POLR2B: variants seen among roughly 807,000 people sequenced by gnomAD.
The protein encoded by POLR2B is DNA-directed RNA polymerase II subunit RPB2.
POLR2B carries 57 observed loss-of-function variants against 144.6 expected under a neutral mutation model. That is an observed-to-expected ratio of 0.39 (90% CI 0.32 to 0.49). The LOEUF (loss-of-function observed/expected upper bound fraction) is 0.49, where lower values mean the gene tolerates loss of function less well. POLR2B is among the 20% of genes least tolerant of loss of function. The pLI is 0.83. For synonymous variants in POLR2B, 442 were observed against 469.8 expected, an observed-to-expected ratio of 0.94 and a Z score of 0.77; for missense variants, 595 against 1,467.4, an observed-to-expected ratio of 0.41 and a Z score of 9.71.
In POLR2B at chr4:57,020,912, T is replaced by C; in HGVS notation, c.2337T>C (p.Ile779=). ...AATTCACTGCAGGCATCAACTCAAT[T>C]GTGGCCATTGCATCATACACTGGAT... ...FRELPAGINS[I]VAIASYTGYN... The change falls in exon 17 of 25, where the codon ATT becomes ATC. Residue 779 remains isoleucine, a synonymous_variant. Transcript: ENST00000314595. The C allele has an allele frequency of 6.3e-7, 1 of 1,585,312 alleles. No individual in the cohort carries two copies. The highest frequency in any genetic ancestry group is 8.7e-7 in the Non-Finnish European group (1 of 1,153,716).
chr4:57,005,742 C>T, intron 9 of POLR2B, 23 bp downstream of exon 9: 1 of 1,603,632 alleles, frequency 6.2e-7, no homozygotes, highest in Non-Finnish European at 8.5e-7. Flanking sequence ...AGAATGAAGT[C>T]ATTAAAGCAG....
At position 57,017,819 on chromosome 4, in the gene POLR2B, CAT is replaced by C; in HGVS notation, c.2323+93_2323+94del. ...TGGGAGGATTAAAAAATAAATATGA[CAT>C]AGTGCCTGTTCTCACGGAATTTATA... is the stretch of plus-strand genomic sequence containing the variant. On this transcript the variant is annotated intron_variant, in intron 16 of 24. Coordinates refer to ENST00000314595, the MANE Select transcript of POLR2B (RefSeq NM_000938.3). The surrounding 1 kb of genome is among the most constrained non-coding windows in gnomAD (Gnocchi z 4.8). 1.3e-6 allele frequency: 1 copy of C among 782,940 alleles called. No individual in the cohort carries two copies. Among genetic ancestry groups the C allele is most frequent in the Non-Finnish European group, 2.0e-6 (1 of 492,822 alleles). The allele number at this position is 782,940 out of a possible 1,614,324, so 48.5% of individuals were successfully genotyped here.
chr4:56,982,775 C>T (rs1378879309), intron 1 of POLR2B, among the ~76,000 whole-genome samples: 1 of 152,084 alleles, frequency 6.6e-6, no homozygotes, highest in Non-Finnish European at 1.5e-5. Context: ...AGTGCCATTT[C>T]ATGTCAGGGA....
chr4:57,010,315 A>C, intron 10 of POLR2B, 46 bp from the exon 11 acceptor site: 2 of 1,576,968 alleles, frequency 1.3e-6, no homozygotes, highest in Non-Finnish European at 1.7e-6. Flanking sequence ...TAATAGTATG[A>C]ATCACAGAAA....
intron 2 of POLR2B, among the ~76,000 whole-genome samples, chr4:56,988,732 C>G (rs551934570): frequency 6.6e-6 from 1 of 152,288 alleles, no homozygotes; most frequent in African/African-American, 2.4e-5. Context: ...CTAAACTTTA[C>G]TGAGACAGTT....
In POLR2B at chr4:57,010,349, AT is replaced by A. The variant is rs1560479729; in HGVS notation, c.1405-5del. On this transcript the variant is annotated splice_polypyrimidine_tract_variant and intron_variant, in intron 10 of 24. Coordinates refer to ENST00000314595, the MANE Select transcript of POLR2B (RefSeq NM_000938.3). ...AATGTCCAGACTTTAAAGATTGGCTATTTTTTTCTAGGTGTTAAACCGCCTG... is the reference window on the plus strand; with the variant it reads ...AATGTCCAGACTTTAAAGATTGGCTATTTTTTCTAGGTGTTAAACCGCCTG... The A allele has an allele frequency of 6.2e-7, 1 of 1,611,988 alleles. No individual in the cohort carries two copies. Among genetic ancestry groups the A allele is most frequent in the Admixed American group, 1.7e-5 (1 of 59,576 alleles).
intron 2 of POLR2B, among the ~76,000 whole-genome samples, chr4:56,988,051 C>T (rs1010898047): frequency 1.3e-5 from 2 of 151,908 alleles, no homozygotes; most frequent in African/African-American, 4.8e-5. Context: ...CATAGTGAGA[C>T]CTTGTCTCTA....
intron 13 of POLR2B, 121 bp from the exon 14 acceptor site, chr4:57,015,381 A>G (rs1723332432): frequency 2.1e-6 from 1 of 468,228 alleles, no homozygotes; most frequent in East Asian, 3.5e-5. Context: ...AGATTTGCAC[A>G]TTTTACTTGA....
chr4:57,022,405 C>A (rs1384445663), intron 18 of POLR2B, among the ~76,000 whole-genome samples, 159 bp downstream of exon 18: 1 of 152,080 alleles, frequency 6.6e-6, no homozygotes, highest in Non-Finnish European at 1.5e-5. Flanking sequence ...TTAGAGTTCA[C>A]ATCTAAGAAA....
rs1722997028 is a variant in POLR2B at position 57,005,635 on chromosome 4, G to A, written c.1133G>A (p.Gly378Asp). ...CATAGGTTACTTCTGGCAGCTTTGG[G>A]TAGAAGAGAACTAGATGACAGAGAT... Reference protein sequence around the residue: ...MVHRLLLAALGRRELDDRDHY... With the variant: ...MVHRLLLAALDRRELDDRDHY... Residue 378 changes from glycine to aspartate, a missense_variant, in exon 9 of 25, where the codon GGT (glycine) becomes GAT (aspartate). This residue lies in a region of POLR2B where 251 missense variants were observed against 567.3 expected (regional missense o/e 0.44). Transcript: ENST00000314595. 3 of 1,609,944 alleles carry A rather than the reference G, an allele frequency of 1.9e-6. No individual in the cohort carries two copies. The highest frequency in any genetic ancestry group is 1.1e-5 in the South Asian group (1 of 90,876).
In POLR2B at chr4:57,005,423, A is replaced by T; in HGVS notation, c.1078A>T (p.Lys360Ter). 2 of 1,581,430 alleles carry T rather than the reference A, an allele frequency of 1.3e-6. No individual in the cohort carries two copies. The highest frequency in any genetic ancestry group is 8.6e-7 in the Non-Finnish European group (1 of 1,166,204). The change falls in exon 8 of 25, where the codon AAA becomes TAA. Residue 360 changes from lysine (K) to a stop codon, truncating the protein, a stop_gained. Coordinates refer to ENST00000314595, the MANE Select transcript of POLR2B (RefSeq NM_000938.3). LOFTEE classifies it high-confidence loss of function. ...HVGVSDFCET[K>*]KAYFLGYMVH... ...TGGTGTCAGTGATTTTTGTGAGACC[A>T]AAAAAGCCTATTTCTTGGGGTATGT...
chr4:57,015,190 C>G (rs1021617582), intron 13 of POLR2B, among the ~76,000 whole-genome samples: 29 of 152,016 alleles, frequency 1.9e-4, no homozygotes, highest in African/African-American at 6.8e-4. Flanking sequence ...AGCAAAGAAC[C>G]AAAATAAGAA....
Position 57,025,418 on chromosome 4 carries a change from A to C in POLR2B, c.3120A>C (p.Gln1040His). ...NGFTGRKITS[Q>H]IFIGPTYYQR... ...TCACTGGTCGAAAAATCACATCACA[A>C]ATATTTATTGGCCCCACTTATTACC... The change falls in exon 23 of 25, where the codon CAA (glutamine) becomes CAC (histidine). Residue 1040 changes from glutamine (Q) to histidine (H), a missense_variant. By Grantham distance (24) the Gln-to-His change is conservative. Coordinates refer to ENST00000314595, the MANE Select transcript of POLR2B (RefSeq NM_000938.3). 6.2e-7 allele frequency: 1 copy of C among 1,613,434 alleles called. No homozygotes were observed.
intron 1 of POLR2B, among the ~76,000 whole-genome samples, chr4:56,983,773 T>C (rs1199456301): frequency 6.7e-6 from 1 of 150,192 alleles, no homozygotes; most frequent in East Asian, 2.0e-4. Flanking sequence ...CTTCCAGTGG[T>C]GGGATTACTG....
At chr4:56,979,468 C>T (rs1212000128) in intron 1 of POLR2B, among the ~76,000 whole-genome samples, 1 of 151,452 alleles carries the variant, frequency 6.6e-6, no homozygotes, top group Non-Finnish European at 1.5e-5. Flanking sequence ...GGGGGGGACT[C>T]GGTTTAGTCT....
chr4:56,979,420 A>G (rs898452734), intron 1 of POLR2B, among the ~76,000 whole-genome samples: 8 of 117,624 alleles, frequency 6.8e-5, no homozygotes, highest in Admixed American at 2.4e-4. Flanking sequence ...GGTCCTGGAA[A>G]TATTCCGGGA....
At chr4:56,998,857 G>A (rs1176488118) in intron 6 of POLR2B, among the ~76,000 whole-genome samples, 1 of 152,128 alleles carries the variant, frequency 6.6e-6, no homozygotes, top group Non-Finnish European at 1.5e-5. Context: ...GTCCATGAGA[G>A]GAGTTCTGAA....
At chr4:57,022,619 T>G (rs1271858451) in intron 18 of POLR2B, among the ~76,000 whole-genome samples, 1 of 152,198 alleles carries the variant, frequency 6.6e-6, no homozygotes, top group Non-Finnish European at 1.5e-5. Context: ...TTGTAAACAT[T>G]TAAAAAATAA....
chr4:57,011,780 A>G (rs1259085152), intron 13 of POLR2B, among the ~76,000 whole-genome samples: 1 of 152,130 alleles, frequency 6.6e-6, no homozygotes, highest in African/African-American at 2.4e-5. Context: ...CCAAGATCAC[A>G]CCACTGCACT....
Sources: gnomAD v4.1 joint callset for allele counts (sites outside exome capture counted in the v4.1 genomes callset) on GRCh38, gnomAD v4.1.1 for gene constraint, gnomAD v4.1.1 regional missense constraint, Gnocchi (gnomAD v3.1) non-coding constraint, MANE v1.5 for transcripts, NCBI Gene and HGNC (gene_info 2026-07-23, HGNC 2026-07-21) for gene names.